Variants in GPLD1 observed in about 807,000 individuals in gnomAD.
The protein encoded by GPLD1 is glycosylphosphatidylinositol specific phospholipase D1.
In GPLD1, 84 loss-of-function variants were observed where a neutral mutation model predicts 112.6. The ratio of observed to expected loss-of-function variants is 0.75; its 90% CI spans 0.63 to 0.89. The LOEUF is 0.89. Ranked by LOEUF, GPLD1 falls within the 40% of genes least tolerant of loss-of-function variation. The pLI, the probability that GPLD1 is intolerant of heterozygous loss-of-function variation, is 0.00. For missense variants in GPLD1, 1,044 were observed against 1,051.5 expected (o/e 0.99, Z 0.10); for synonymous variants, 386 against 403.8 (o/e 0.96, Z 0.53).
intron 10 of GPLD1, among the ~76,000 whole-genome samples, chr6:24,466,254 C>T (rs545918800): frequency 2.6e-4 from 40 of 152,256 alleles, no homozygotes; most frequent in South Asian, 8.3e-4. Context: ...GGCTGAGGCA[C>T]GAGACTCCCT....
upstream of GPLD1, among the ~76,000 whole-genome samples, chr6:24,493,782 G>A (rs1335968196): frequency 6.6e-6 from 1 of 152,108 alleles, no homozygotes; most frequent in Non-Finnish European, 1.5e-5. Flanking sequence ...TTACTGCCTC[G>A]GCATTTTGCA....
chr6:24,456,971 A>G (rs1763289739), intron 12 of GPLD1, among the ~76,000 whole-genome samples: 1 of 152,122 alleles, frequency 6.6e-6, no homozygotes, highest in South Asian at 2.1e-4. Context: ...CCTGGGTTCA[A>G]GCAATTCTCC....
At chr6:24,455,460 G>A (rs2127344270) in intron 13 of GPLD1, among the ~76,000 whole-genome samples, 1 of 152,290 alleles carries the variant, frequency 6.6e-6, no homozygotes, top group East Asian at 1.9e-4. Context: ...TTTTTAAAAA[G>A]CCTTCATCCA....
intron 11 of GPLD1, among the ~76,000 whole-genome samples, chr6:24,461,761 G>A (rs2127349671): frequency 6.6e-6 from 1 of 152,218 alleles, no homozygotes; most frequent in South Asian, 2.1e-4. Context: ...CTACCTGCCA[G>A]GCCATATACC....
chr6:24,462,936 C>T (rs1429027227), intron 10 of GPLD1, 141 bp from the exon 11 acceptor site: 2 of 621,814 alleles, frequency 3.2e-6, no homozygotes, highest in Non-Finnish European at 5.7e-6. Context: ...AATTAAGAGC[C>T]CATGTTCTCC....
intron 12 of GPLD1, 107 bp downstream of exon 12, chr6:24,460,172 A>G (rs888462370): frequency 9.0e-6 from 12 of 1,330,946 alleles, no homozygotes; most frequent in Middle Eastern, 1.8e-4. Flanking sequence ...ACCACATCCC[A>G]CCACAGGTAA....
chr6:24,490,631 A>G (rs959306416), upstream of GPLD1, among the ~76,000 whole-genome samples: 2 of 152,084 alleles, frequency 1.3e-5, no homozygotes, highest in Admixed American at 6.5e-5. Flanking sequence ...ACGTGACTGT[A>G]GTCCCAGCTA....
chr6:24,477,820 G>A (rs948935684), intron 3 of GPLD1, among the ~76,000 whole-genome samples: 2 of 152,224 alleles, frequency 1.3e-5, no homozygotes, highest in African/African-American at 4.8e-5. Context: ...AAGATGCAAT[G>A]AAAGTGAATC....
chr6:24,435,836 A>AAAAAAAAAAAAAAAAAAAAAAT (rs1427422814), intron 22 of GPLD1: 1 of 146,528 alleles, frequency 6.8e-6, no homozygotes, highest in Non-Finnish European at 1.5e-5. Flanking sequence ...AAAAAAAAAA[A>AAAAAAAAAAAAAAAAAAAAAAT]AAAAAAAAAA....
At chr6:24,478,491 T>TG (rs1190535472) in intron 3 of GPLD1, among the ~76,000 whole-genome samples, 1 of 152,154 alleles carries the variant, frequency 6.6e-6, no homozygotes, top group Non-Finnish European at 1.5e-5. Flanking sequence ...CCCAGCGTGC[T>TG]GGGGGCCTCC....
At chr6:24,453,790 G>A (rs569366381) in intron 14 of GPLD1, among the ~76,000 whole-genome samples, 2 of 151,974 alleles carry the variant, frequency 1.3e-5, no homozygotes, top group South Asian at 4.2e-4. Context: ...ACTCAAAGCA[G>A]TTCTCAATAG....
intron 15 of GPLD1, 21 bp downstream of exon 15, chr6:24,449,768 C>A (rs770946662): frequency 7.1e-6 from 11 of 1,547,800 alleles, no homozygotes; most frequent in Non-Finnish European, 9.8e-6. Flanking sequence ...CTCCTCCAAC[C>A]CTATCCAGCA....
chr6:24,460,641 C>T (rs901985475), intron 11 of GPLD1, among the ~76,000 whole-genome samples: 1 of 152,032 alleles, frequency 6.6e-6, no homozygotes, highest in Admixed American at 6.6e-5. Flanking sequence ...AATATCAGAG[C>T]TCTATGGTAG....
At chr6:24,452,488 G>A (rs960346380) in intron 14 of GPLD1, among the ~76,000 whole-genome samples, 3 of 152,108 alleles carry the variant, frequency 2.0e-5, no homozygotes, top group Admixed American at 6.5e-5. Flanking sequence ...TTGAAAGCGT[G>A]TTCATGGCTG....
At position 24,449,870 on chromosome 6, in the gene GPLD1, A is replaced by G. The variant is rs1278519235; in HGVS notation, c.1365T>C (p.Ala455=). The G allele has an allele frequency of 9.3e-6, 15 of 1,613,790 alleles. No homozygotes were observed. The highest frequency in any genetic ancestry group is 1.7e-5 in the Admixed American group (1 of 59,978). The change falls in exon 15 of 25, where the codon GCT becomes GCC. Residue 455 remains alanine (A), a synonymous_variant. Transcript: ENST00000230036. ...QPSGRFGSAL[A]VLDFNVDGVP... is the part of the protein sequence containing the mutation. ...CGCCGTCCACGTTAAAGTCCAACAC[A>G]GCCAAGGCCGAGCCAAACCGACCTG...
upstream of GPLD1, among the ~76,000 whole-genome samples, chr6:24,490,010 G>A (rs1041275824): frequency 9.2e-5 from 14 of 152,220 alleles, no homozygotes; most frequent in Non-Finnish European, 1.5e-5. Context: ...CAAGCCACAA[G>A]TGCTGGGAAA....
chr6:24,488,512 C>A (rs1345443285), intron 1 of GPLD1, among the ~76,000 whole-genome samples: 14 of 152,056 alleles, frequency 9.2e-5, no homozygotes, highest in Admixed American at 2.6e-4. Context: ...CAAATTGACT[C>A]ACGTTTTCCA....
At chr6:24,467,352 G>A in intron 7 of GPLD1, 78 bp from the exon 8 acceptor site, 2 of 794,202 alleles carry the variant, frequency 2.5e-6, no homozygotes, top group Non-Finnish European at 4.4e-6. Flanking sequence ...GCAGCTACCA[G>A]TTATTCCGTG....
upstream of GPLD1, chr6:24,495,280 T>A: frequency 6.5e-7 from 1 of 1,532,072 alleles, no homozygotes; most frequent in Non-Finnish European, 8.7e-7. Flanking sequence ...GACTGCGGGG[T>A]GCGAGAGGCC....
Sources: gnomAD v4.1 joint callset for allele counts (sites outside exome capture counted in the v4.1 genomes callset) on GRCh38, gnomAD v4.1.1 for gene constraint, MANE v1.5 for transcripts, NCBI Gene and HGNC (gene_info 2026-07-23, HGNC 2026-07-21) for gene names.